The following VMA22 variants were observed in gnomAD, a reference collection of about 807,000 sequenced individuals.
VMA22 encodes vacuolar ATPase assembly factor VMA22, also known as vacuolar ATPase assembly protein VMA22.
chr2:130,341,788 G>C, the VMA22 span: 1 of 1,593,912 alleles, frequency 6.3e-7, no homozygotes, highest in South Asian at 1.1e-5. Flanking sequence ...TTGGCAGCCC[G>C]GGCCTAGAAC....
At chr2:130,339,842 G>C in the VMA22 span, 3 of 1,266,496 alleles carry the variant, frequency 2.4e-6, no homozygotes, top group Non-Finnish European at 3.1e-6. Context: ...TACTCCCCAG[G>C]CCCTCTGCTG....
the VMA22 span, chr2:130,339,965 A>C: frequency 5.2e-6 from 3 of 575,054 alleles, no homozygotes; most frequent in Admixed American, 3.9e-5. Context: ...CCTCTCCCAA[A>C]CTCCAGATAC....
the VMA22 span, chr2:130,338,982 A>G: frequency 1.6e-6 from 1 of 641,682 alleles, no homozygotes; most frequent in Non-Finnish European, 2.7e-6. Flanking sequence ...AAATGGAAAC[A>G]TGCAGAGCAG....
the VMA22 span, chr2:130,341,097 G>A: frequency 2.2e-4 from 329 of 1,499,186 alleles, 1 homozygote; most frequent in Middle Eastern, 6.8e-3. Context: ...TTATCATCTT[G>A]GTGACAATGT....
At chr2:130,341,801 G>GCCCCCCCCCC in the VMA22 span, 4 of 1,378,140 alleles carry the variant, frequency 2.9e-6, no homozygotes, top group South Asian at 2.6e-5. Flanking sequence ...CCTAGAACGC[G>GCCCCCCCCCC]CCCGCCCGCC....
chr2:130,342,181 C>T, the VMA22 span: 15 of 1,594,124 alleles, frequency 9.4e-6, no homozygotes, highest in Admixed American at 7.1e-5. Context: ...CGCAGTTTGG[C>T]AGGACAGCCA....
At chr2:130,339,881 T>G in the VMA22 span, 1 of 1,193,210 alleles carries the variant, frequency 8.4e-7, no homozygotes, top group Non-Finnish European at 1.1e-6. Flanking sequence ...TTTAAACCAG[T>G]GTTTGTGTCA....
At chr2:130,339,188 C>G in the VMA22 span, 2 of 1,614,194 alleles carry the variant, frequency 1.2e-6, no homozygotes, top group Admixed American at 1.7e-5. Context: ...CGACCCCAGT[C>G]AATGCGGTTC....
the VMA22 span, chr2:130,342,401 C>A: frequency 1.7e-6 from 1 of 574,098 alleles, no homozygotes; most frequent in Non-Finnish European, 3.1e-6. Context: ...CTGAGTCCTT[C>A]CGGAAGCTGC....
chr2:130,342,539 G>T, the VMA22 span: 2 of 457,842 alleles, frequency 4.4e-6, no homozygotes, highest in South Asian at 3.7e-5. Context: ...ACCTTCAGTC[G>T]GTGTGCGGTT....
the VMA22 span, chr2:130,342,308 G>C: frequency 1.1e-5 from 13 of 1,150,604 alleles, no homozygotes; most frequent in East Asian, 3.1e-4. Flanking sequence ...GAAGCAGCAC[G>C]GAAGCAACCA....
At chr2:130,338,713 G>A in the VMA22 span, 3 of 175,688 alleles carry the variant, frequency 1.7e-5, no homozygotes, top group East Asian at 3.4e-4. Context: ...GGCTGAGTAC[G>A]GTTTTCTCCT....
the VMA22 span, chr2:130,342,003 C>G: frequency 6.2e-7 from 1 of 1,613,698 alleles, no homozygotes; most frequent in Non-Finnish European, 8.5e-7. Flanking sequence ...CCTGCCCGCC[C>G]CAGGCGCCTA....
chr2:130,337,956 T>C, the VMA22 span, among the ~76,000 whole-genome samples: 1 of 152,348 alleles, frequency 6.6e-6, no homozygotes, highest in South Asian at 2.1e-4. Flanking sequence ...TACTGGTGTA[T>C]TGACAGTAAT....
chr2:130,339,990 CCACT>C, the VMA22 span: 2 of 413,874 alleles, frequency 4.8e-6, no homozygotes, highest in Non-Finnish European at 4.1e-6. Context: ...GCCCAAGTGC[CCACT>C]CAGACTCTCC....
chr2:130,339,849 G>T, the VMA22 span: 1 of 1,255,164 alleles, frequency 8.0e-7, no homozygotes, highest in Non-Finnish European at 1.0e-6. Flanking sequence ...CAGGCCCTCT[G>T]CTGATCTCAT....
At chr2:130,342,668 C>T in the VMA22 span, 1 of 515,372 alleles carries the variant, frequency 1.9e-6, no homozygotes, top group Non-Finnish European at 3.5e-6. Context: ...CCTGGGCGGA[C>T]ATATTTATTA....
the VMA22 span, chr2:130,339,027 G>A: frequency 1.1e-6 from 1 of 893,778 alleles, no homozygotes; most frequent in South Asian, 1.4e-5. Flanking sequence ...CGTGGGGTAG[G>A]GGCAAGAGCT....
chr2:130,338,332 G>C, the VMA22 span: 2 of 151,918 alleles, frequency 1.3e-5, no homozygotes, highest in African/African-American at 4.8e-5. Flanking sequence ...ACAATAAAAA[G>C]TCAAAAAAAA....
Sources: allele counts gnomAD v4.1 joint callset (sites outside exome capture counted in the v4.1 genomes callset), GRCh38; gene constraint gnomAD v4.1.1; transcripts MANE v1.5; gene names NCBI Gene and HGNC (gene_info 2026-07-23, HGNC 2026-07-21).